Variants in C21orf91 observed in about 807,000 individuals in gnomAD.
C21orf91 encodes the protein chromosome 21 open reading frame 91, also known as protein EURL homolog.
In C21orf91, 26 loss-of-function variants were observed where a neutral mutation model predicts 32.9. The observed-to-expected ratio is 0.79, with a 90% confidence interval of 0.58 to 1.10. The LOEUF (loss-of-function observed/expected upper bound fraction) is 1.10, where lower values mean the gene tolerates loss of function less well. Among genes scored for constraint, C21orf91 ranks in the 50% least tolerant of loss-of-function variants. The probability of loss-of-function intolerance (pLI) is 0.00; values close to 1 mark genes in which losing one functional copy is unlikely to be tolerated. For missense variants in C21orf91, 310 were observed against 341.3 expected (o/e 0.91, Z 0.72); for synonymous variants, 126 against 120.4 (o/e 1.05, Z -0.31).
chr21:17,798,712 T>C (rs746073504), intron 2 of C21orf91, among the ~76,000 whole-genome samples: 5 of 152,206 alleles, frequency 3.3e-5, no homozygotes, highest in Non-Finnish European at 7.4e-5. Context: ...TATTTGATAA[T>C]AGAGTATACA....
intron 4 of C21orf91, among the ~76,000 whole-genome samples, chr21:17,794,213 G>C (rs2062500393): frequency 6.6e-6 from 1 of 152,114 alleles, no homozygotes; most frequent in Non-Finnish European, 1.5e-5. Flanking sequence ...TTAAATCCTT[G>C]ATCTGCTACT....
rs1056130066 is a variant in C21orf91, at chr21:17,790,369, A to G, written c.*3046T>C. ...CAGTGTAAACACTAAGGTAAAAAAT[A>G]TATAAACAACATAAAGAAAACACAA... On this transcript the variant is annotated 3_prime_UTR_variant, in exon 5 of 5. Transcript: ENST00000284881. 2.6e-5 allele frequency: 4 copies of G among 152,126 alleles called. No individual in the cohort carries two copies. The highest frequency in any genetic ancestry group is 4.8e-5 in the African/African-American group (2 of 41,452). The allele number at this position is 152,126 out of a possible 1,614,324, so 9.4% of individuals were successfully genotyped here.
chr21:17,793,346 A>C lies in C21orf91; in HGVS notation c.*69T>G. The C allele has an allele frequency of 7.9e-7, 1 of 1,258,978 alleles. No individual in the cohort carries two copies. The highest frequency in any genetic ancestry group is 2.0e-5 in the South Asian group (1 of 50,888). 78.0% of individuals were successfully genotyped at this position (1,258,978 alleles called of 1,614,324 possible). A position where few individuals can be genotyped will look rare whatever the true frequency, so the allele number is the denominator to read the frequency against. On this transcript the variant is annotated 3_prime_UTR_variant, in exon 5 of 5. Coordinates refer to ENST00000284881, the MANE Select transcript of C21orf91 (RefSeq NM_001100420.2). ...AAAAAACGGACCACAACTTTCTTCA[A>C]ACTTCTTCAAAGTTTGCATGTCTGG... is the stretch of plus-strand genomic sequence containing the variant.
At chr21:17,806,413 T>C (rs2062594141) in intron 2 of C21orf91, among the ~76,000 whole-genome samples, 1 of 152,156 alleles carries the variant, frequency 6.6e-6, no homozygotes, top group African/African-American at 2.4e-5. Flanking sequence ...TCTTTTAAAA[T>C]GGGAGACATG....
At chr21:17,803,755 A>G (rs948036277) in intron 2 of C21orf91, among the ~76,000 whole-genome samples, 3 of 152,170 alleles carry the variant, frequency 2.0e-5, no homozygotes, top group African/African-American at 7.2e-5. Context: ...AGGAAAGACA[A>G]TGGATGAAAA....
chr21:17,815,851 G>A (rs1457722227), intron 2 of C21orf91, among the ~76,000 whole-genome samples: 2 of 152,002 alleles, frequency 1.3e-5, no homozygotes, highest in Admixed American at 6.6e-5. Flanking sequence ...GTAGAGACGG[G>A]GTTTCTCCAT....
At position 17,793,379 on chromosome 21, in the gene C21orf91, A is replaced by G. The variant is rs749773695; in HGVS notation, c.*36T>C. ...CAAAGTTTGCATGTCTGGGAGACCAATAAAGGGCAGGGCATACGAAGTAAG... is the reference window on the plus strand; with the variant it reads ...CAAAGTTTGCATGTCTGGGAGACCAGTAAAGGGCAGGGCATACGAAGTAAG... On this transcript the variant is annotated 3_prime_UTR_variant, in exon 5 of 5. Coordinates refer to ENST00000284881, the MANE Select transcript of C21orf91 (RefSeq NM_001100420.2). 11 of 1,478,046 alleles carry G rather than the reference A, an allele frequency of 7.4e-6. No homozygotes were observed. The highest frequency in any genetic ancestry group is 1.8e-4 in the Middle Eastern group (1 of 5,558). The allele number at this position is 1,478,046 out of a possible 1,614,324, so 91.6% of individuals were successfully genotyped here.
rs1270995045 is a variant in C21orf91, at chr21:17,791,134, G to C, written c.*2281C>G. On this transcript the variant is annotated 3_prime_UTR_variant, in exon 5 of 5. Coordinates refer to ENST00000284881, the MANE Select transcript of C21orf91 (RefSeq NM_001100420.2). ...ACACAGTAATTGCATATTTGATTAA[G>C]AAAACTAACATAGGACTAAATTATA... The C allele has an allele frequency of 6.6e-6, 1 of 152,180 alleles. No individual in the cohort carries two copies. The highest frequency in any genetic ancestry group is 2.1e-4 in the South Asian group (1 of 4,832). 9.4% of individuals were successfully genotyped at this position (152,180 alleles called of 1,614,324 possible). A position where few individuals can be genotyped will look rare whatever the true frequency, so the allele number is the denominator to read the frequency against.
rs1216320927 is a variant in C21orf91 at position 17,791,463 on chromosome 21, C to G, written c.*1952G>C. The stretch of plus-strand genomic sequence containing the variant: ...TTGTATTCAGGACTGCAACTTATGG[C>G]TCATATTCTGGAAATATGCTACTAT... On this transcript the variant is annotated 3_prime_UTR_variant, in exon 5 of 5. Coordinates refer to ENST00000284881, the MANE Select transcript of C21orf91 (RefSeq NM_001100420.2). 1 of 152,124 alleles carries G rather than the reference C, an allele frequency of 6.6e-6. No homozygotes were observed. The highest frequency in any genetic ancestry group is 1.5e-5 in the Non-Finnish European group (1 of 67,972). 9.4% of individuals were successfully genotyped at this position (152,124 alleles called of 1,614,324 possible).
chr21:17,800,010 T>C (rs1056293916), intron 2 of C21orf91, among the ~76,000 whole-genome samples: 11 of 152,168 alleles, frequency 7.2e-5, no homozygotes, highest in African/African-American at 2.7e-4. Flanking sequence ...TTTAGTCTAA[T>C]GGGCTATTAG....
intron 2 of C21orf91, among the ~76,000 whole-genome samples, chr21:17,812,364 C>G (rs1205586937): frequency 6.6e-6 from 1 of 152,076 alleles, no homozygotes; most frequent in African/African-American, 2.4e-5. Flanking sequence ...GAATGTGTCC[C>G]TCAAAGTTCA....
At position 17,797,018 on chromosome 21, in the gene C21orf91, A is replaced by C; in HGVS notation, c.228T>G (p.Ser76=). Residue 76 remains serine, a synonymous_variant, in exon 3 of 5, where the codon TCT becomes TCG. Transcript: ENST00000284881. ...CTTCATAAGTACTTTTTGAAAGCTT[A>C]GATCGAGGACAACCCTGGTTTGCAA... ...HLIANQGCPR[S]KLSKSTYEEV... is the part of the protein sequence containing the mutation. 6.2e-7 allele frequency: 1 copy of C among 1,613,002 alleles called. No individual in the cohort carries two copies. The highest frequency in any genetic ancestry group is 8.5e-7 in the Non-Finnish European group (1 of 1,179,064).
chr21:17,818,071 A>G (rs930414065), intron 2 of C21orf91, 121 bp downstream of exon 2: 4 of 625,890 alleles, frequency 6.4e-6, no homozygotes, highest in African/African-American at 5.6e-5. Context: ...ACAAATCTCT[A>G]CACTATTCAT....
chr21:17,814,339 G>A (rs1409867110), intron 2 of C21orf91, among the ~76,000 whole-genome samples: 1 of 152,164 alleles, frequency 6.6e-6, no homozygotes, highest in Non-Finnish European at 1.5e-5. Context: ...TCACTAATAT[G>A]TATGAAAAAG....
chr21:17,808,801 G>A (rs1457977247), intron 2 of C21orf91: 1 of 152,190 alleles, frequency 6.6e-6, no homozygotes, highest in Non-Finnish European at 1.5e-5. Flanking sequence ...AGATTTGGGA[G>A]GGGCCAGGGA....
chr21:17,811,551 T>A (rs189556470), intron 2 of C21orf91: 98 of 152,308 alleles, frequency 6.4e-4, no homozygotes, highest in African/African-American at 2.3e-3. Flanking sequence ...AGGCAAATAA[T>A]CGTTTCTGGA....
Position 17,790,849 on chromosome 21 carries a change from G to A in C21orf91, c.*2566C>T, listed in dbSNP as rs1237435997. The stretch of plus-strand genomic sequence containing the variant: ...TCTAATTTTTAAAACTCAATTTAAC[G>A]TGTCAAATTATAAAACTGAACGTGA... On this transcript the variant is annotated 3_prime_UTR_variant, in exon 5 of 5. Coordinates refer to ENST00000284881, the MANE Select transcript of C21orf91 (RefSeq NM_001100420.2). 2 of 152,146 alleles carry A rather than the reference G, an allele frequency of 1.3e-5. No homozygotes were observed. Among genetic ancestry groups the A allele is most frequent in the Non-Finnish European group, 1.5e-5 (1 of 67,936 alleles). 9.4% of individuals were successfully genotyped at this position (152,146 alleles called of 1,614,324 possible). A position where few individuals can be genotyped will look rare whatever the true frequency, so the allele number is the denominator to read the frequency against.
At chr21:17,797,922 A>G (rs1285096919) in intron 2 of C21orf91, among the ~76,000 whole-genome samples, 2 of 152,018 alleles carry the variant, frequency 1.3e-5, no homozygotes, top group African/African-American at 2.4e-5. Flanking sequence ...TTAAAAATAT[A>G]AAAATTATAA....
At chr21:17,817,519 C>T (rs1333731961) in intron 2 of C21orf91, among the ~76,000 whole-genome samples, 2 of 151,968 alleles carry the variant, frequency 1.3e-5, no homozygotes, top group African/African-American at 4.8e-5. Context: ...TAGTATGACT[C>T]ATAAATATCT....
Sources: gnomAD v4.1 joint callset for allele counts (sites outside exome capture counted in the v4.1 genomes callset) on GRCh38, gnomAD v4.1.1 for gene constraint, MANE v1.5 for transcripts, NCBI Gene and HGNC (gene_info 2026-07-23, HGNC 2026-07-21) for gene names.